Variants in NRG3 observed in about 807,000 individuals in gnomAD.
The protein encoded by NRG3 is pro-neuregulin-3, membrane-bound isoform.
NRG3 carries 31 observed loss-of-function variants against 66.9 expected under a neutral mutation model. The ratio of observed to expected loss-of-function variants is 0.46; its 90% CI spans 0.35 to 0.63. The LOEUF is 0.63. Ranked by LOEUF, NRG3 falls within the 20% of genes least tolerant of loss-of-function variation. The pLI is 0.00. For missense variants in NRG3, 910 were observed against 878.9 expected, an observed-to-expected ratio of 1.04 and a Z score of -0.45; for synonymous variants, 393 against 359.4, an observed-to-expected ratio of 1.09 and a Z score of -1.06.
At chr10:82,534,587 T>A (rs184332959) in intron 2 of NRG3, among the ~76,000 whole-genome samples, 63 of 152,040 alleles carry the variant, frequency 4.1e-4, no homozygotes, top group Admixed American at 7.2e-4. Context: ...AAAATGCATA[T>A]GGAATCACAC....
At chr10:82,078,126 AT>A (rs970115058) in intron 1 of NRG3, among the ~76,000 whole-genome samples, 12 of 152,020 alleles carry the variant, frequency 7.9e-5, no homozygotes, top group African/African-American at 1.4e-4. Flanking sequence ...TTAAAAAAAA[AT>A]TTTTTTTAAT....
intron 1 of NRG3, among the ~76,000 whole-genome samples, chr10:82,250,516 A>G (rs2134091078): frequency 6.6e-6 from 1 of 152,218 alleles, no homozygotes; most frequent in Non-Finnish European, 1.5e-5. Context: ...AACACCTGGG[A>G]GGCGGAGATT....
intron 4 of NRG3, among the ~76,000 whole-genome samples, chr10:82,913,637 T>G (rs1845544887): frequency 6.6e-6 from 1 of 152,234 alleles, no homozygotes; most frequent in Non-Finnish European, 1.5e-5. Flanking sequence ...CTTCTCTTGT[T>G]TTCATAGTTT....
intron 2 of NRG3, among the ~76,000 whole-genome samples, chr10:82,657,198 A>G (rs2051941902): frequency 6.6e-6 from 1 of 152,020 alleles, no homozygotes; most frequent in Non-Finnish European, 1.5e-5. Flanking sequence ...CATTCTATAT[A>G]ATATAGCATT....
intron 1 of NRG3, among the ~76,000 whole-genome samples, chr10:82,171,096 A>C (rs1379547195): frequency 6.6e-6 from 1 of 151,740 alleles, no homozygotes; most frequent in Non-Finnish European, 1.5e-5. Context: ...TTTTCCTCCC[A>C]TTTTTGTTTA....
Position 82,497,338 on chromosome 10 carries a change from C to G in NRG3, c.953+138470C>G, listed in dbSNP as rs17100122. Among the ~76,000 whole-genome samples the G allele has an allele frequency of 4.3e-3, 649 of 152,284 alleles. 5 individuals are homozygous for G. The highest frequency in any genetic ancestry group is 0.015 in the African/African-American group (628 of 41,568). Reference sequence around the variant, plus strand: ...TTAACATTTTCATGTGTGGTGCACACTTATACAAAATGAGTTTTTGAAAAT... The same window carrying G: ...TTAACATTTTCATGTGTGGTGCACAGTTATACAAAATGAGTTTTTGAAAAT... On this transcript the variant is annotated intron_variant, in intron 2 of 8. Coordinates refer to ENST00000372141, the MANE Select transcript of NRG3 (RefSeq NM_001010848.4).
At chr10:82,056,683 G>T (rs1384427213) in intron 1 of NRG3, among the ~76,000 whole-genome samples, 1 of 152,098 alleles carries the variant, frequency 6.6e-6, no homozygotes, top group African/African-American at 2.4e-5. Flanking sequence ...TCTAGTTGGG[G>T]TTAGCTCTGA....
At chr10:82,398,491 A>ATG (rs1164444421) in intron 2 of NRG3, among the ~76,000 whole-genome samples, 4,620 of 139,100 alleles carry the variant, frequency 0.033, 100 homozygotes, top group South Asian at 0.051. Context: ...GGCTTCGTGT[A>ATG]TGTGTGTGTG....
chr10:82,439,668 G>T (rs1176372327), intron 2 of NRG3, among the ~76,000 whole-genome samples: 1 of 151,764 alleles, frequency 6.6e-6, no homozygotes, highest in Non-Finnish European at 1.5e-5. Context: ...AATTGTGAAT[G>T]GGAAGTCCTG....
chr10:82,620,397 G>A (rs79279690), intron 2 of NRG3, among the ~76,000 whole-genome samples: 3 of 152,134 alleles, frequency 2.0e-5, no homozygotes, highest in African/African-American at 7.2e-5. Context: ...AATGGCTCTC[G>A]GCAGAGAGGG....
intron 1 of NRG3, among the ~76,000 whole-genome samples, chr10:82,264,531 G>A (rs2078201353): frequency 6.6e-6 from 1 of 152,182 alleles, no homozygotes; most frequent in South Asian, 2.1e-4. Flanking sequence ...TCCTTGTTGT[G>A]GAAATGTTAT....
intron 1 of NRG3, among the ~76,000 whole-genome samples, chr10:82,132,318 T>A (rs895493960): frequency 1.3e-5 from 2 of 150,814 alleles, no homozygotes; most frequent in African/African-American, 4.9e-5. Flanking sequence ...CCTCATTCTG[T>A]TAATATGATG....
intron 3 of NRG3, among the ~76,000 whole-genome samples, chr10:82,833,848 C>A (rs1309289206): frequency 1.3e-5 from 2 of 152,090 alleles, no homozygotes; most frequent in Non-Finnish European, 2.9e-5. Context: ...AATTTGAGTG[C>A]ATTTTTGAAG....
chr10:82,456,218 A>G (rs2136652814), intron 2 of NRG3, among the ~76,000 whole-genome samples: 1 of 141,582 alleles, frequency 7.1e-6, no homozygotes, highest in Admixed American at 7.6e-5. Flanking sequence ...ATCATGGCTC[A>G]CTCCCACCTC....
chr10:81,994,167 T>C (rs2060845864), intron 1 of NRG3, among the ~76,000 whole-genome samples: 2 of 152,004 alleles, frequency 1.3e-5, no homozygotes, highest in South Asian at 4.1e-4. Context: ...ACTTGTTTAT[T>C]TTTTACAATC....
chr10:82,323,260 A>T (rs973233156), intron 1 of NRG3, among the ~76,000 whole-genome samples: 2 of 152,196 alleles, frequency 1.3e-5, no homozygotes, highest in African/African-American at 4.8e-5. Flanking sequence ...GATAAACATC[A>T]TGTATTTCAG....
At chr10:82,234,057 G>A (rs908561422) in intron 1 of NRG3, among the ~76,000 whole-genome samples, 6 of 152,138 alleles carry the variant, frequency 3.9e-5, no homozygotes, top group East Asian at 1.9e-4. Flanking sequence ...TAAAACAAAC[G>A]ACAATCACTC....
chr10:82,102,158 A>T lies in NRG3; in HGVS notation c.823+225995A>T, dbSNP rs1315481614. 7.5e-5 allele frequency among the ~76,000 whole-genome samples: 9 copies of T among 119,710 alleles called. No individual in the cohort carries two copies. The East Asian group carries it at 8.1e-4, about 11-fold the overall frequency. The allele number at this position is 119,710 out of a possible 152,430, so 78.5% of individuals were successfully genotyped here. On this transcript the variant is annotated intron_variant, in intron 1 of 8. Transcript: ENST00000372141. ...CATATATATATATATATATATATAT[A>T]TATATATATGAATGTAATGTCTTCT...
intron 2 of NRG3, among the ~76,000 whole-genome samples, chr10:82,485,242 C>T (rs1415566848): frequency 2.0e-5 from 3 of 151,924 alleles, no homozygotes; most frequent in Non-Finnish European, 4.4e-5. Context: ...CCTCCAATGC[C>T]CTGACTGAAT....
Sources: gnomAD v4.1 joint callset for allele counts (sites outside exome capture counted in the v4.1 genomes callset) on GRCh38, gnomAD v4.1.1 for gene constraint, MANE v1.5 for transcripts, NCBI Gene and HGNC (gene_info 2026-07-23, HGNC 2026-07-21) for gene names.